CARM1: variants seen among roughly 807,000 people sequenced by gnomAD.
CARM1 encodes the protein histone-arginine methyltransferase CARM1.
CARM1 carries 14 observed loss-of-function variants against 72.7 expected under a neutral mutation model. That is an observed-to-expected ratio of 0.19 (90% CI 0.13 to 0.30). The LOEUF (loss-of-function observed/expected upper bound fraction) is 0.30. CARM1 is among the 10% of genes least tolerant of loss of function. The pLI is 1.00. For missense variants in CARM1, 432 were observed against 833.7 expected (o/e 0.52, Z 5.93); for synonymous variants, 333 against 345.5 (o/e 0.96, Z 0.40).
chr19:10,875,868 G>A (rs974989039), intron 1 of CARM1, among the ~76,000 whole-genome samples: 8 of 151,372 alleles, frequency 5.3e-5, no homozygotes, highest in African/African-American at 1.7e-4. Context: ...GTTACAACTT[G>A]GATGTCTGTC....
At chr19:10,892,221 T>C (rs937706455) in intron 1 of CARM1, among the ~76,000 whole-genome samples, 9 of 152,258 alleles carry the variant, frequency 5.9e-5, no homozygotes. Context: ...GATCCAGGTG[T>C]ATCTCTGCAA....
intron 1 of CARM1, among the ~76,000 whole-genome samples, chr19:10,873,646 T>TTG (rs2073838608): frequency 7.8e-6 from 1 of 128,022 alleles, no homozygotes; most frequent in Non-Finnish European, 1.7e-5. Context: ...TTTTTTTTTT[T>TTG]TTTTTTTTTT....
chr19:10,887,183 G>A (rs1240082969), intron 1 of CARM1, among the ~76,000 whole-genome samples: 3 of 152,214 alleles, frequency 2.0e-5, no homozygotes, highest in African/African-American at 7.2e-5. Flanking sequence ...CCCACTCTCT[G>A]ACTCCTCCAC....
intron 1 of CARM1, among the ~76,000 whole-genome samples, chr19:10,879,771 A>G (rs1055042588): frequency 6.6e-6 from 1 of 152,134 alleles, no homozygotes; most frequent in Admixed American, 6.6e-5. Flanking sequence ...GTGCAACCAC[A>G]CCCAGATAAT....
At position 10,871,849 on chromosome 19, in the gene CARM1, G is replaced by A; in HGVS notation, c.147G>A (p.Arg49=). 1 of 1,296,396 alleles carries A rather than the reference G, an allele frequency of 7.7e-7. No homozygotes were observed. Among genetic ancestry groups the A allele is most frequent in the South Asian group, 2.0e-5 (1 of 50,772 alleles). 80.3% of individuals were successfully genotyped at this position (1,296,396 alleles called of 1,614,324 possible). ...TIGDANGEIQ[R]HAEQQALRLE... ...GCGACGCGAACGGCGAGATCCAGCG[G>A]CACGCGGAGCAGCAGGCGCTGCGCC... The change falls in exon 1 of 16, where the codon CGG becomes CGA. Residue 49 remains arginine (R), a synonymous_variant. Transcript: ENST00000327064. The surrounding 1 kb of genome is among the most constrained non-coding windows in gnomAD (Gnocchi z 5.6).
At position 10,922,828 on chromosome 19, in the gene CARM1, G is replaced by C. The variant is rs2074281043; in HGVS notation, c.*1071G>C. 1 of 154,910 alleles carries C rather than the reference G, an allele frequency of 6.5e-6. No individual in the cohort carries two copies. Among genetic ancestry groups the C allele is most frequent in the African/African-American group, 2.4e-5 (1 of 41,576 alleles). 9.6% of individuals were successfully genotyped at this position (154,910 alleles called of 1,614,324 possible). A position where few individuals can be genotyped will look rare whatever the true frequency, so the allele number is the denominator to read the frequency against. ...CCTGTTTCTCATACCCCCAAACTCA[G>C]ATGCTGGAGCTCAGGCCCGCCGTGT... On this transcript the variant is annotated 3_prime_UTR_variant, in exon 16 of 16. Coordinates refer to ENST00000327064, the MANE Select transcript of CARM1 (RefSeq NM_199141.2).
rs535970967 is a variant in CARM1, at chr19:10,901,903, A to C, written c.221-3048A>C. Among the ~76,000 whole-genome samples the C allele has an allele frequency of 3.9e-4, 59 of 151,974 alleles. 1 individual carries two copies. The East Asian group carries it at 9.6e-3, about 25-fold the overall frequency. On this transcript the variant is annotated intron_variant, in intron 1 of 15. Coordinates refer to ENST00000327064, the MANE Select transcript of CARM1 (RefSeq NM_199141.2). ...GGCAGAGGTTGCAGTGAGCCAAGATAGTGCTGCTGCACTCCAGCCTGGGCA... is the reference window on the plus strand; with the variant it reads ...GGCAGAGGTTGCAGTGAGCCAAGATCGTGCTGCTGCACTCCAGCCTGGGCA...
rs918616164 is a variant in CARM1 at position 10,904,878 on chromosome 19, G to A, written c.221-73G>A. ...CACCAAGGGGAGGCAGCAGGAGGGCGACAGGGACCCAGGCTCAAAAGAAGG... is the reference window on the plus strand; with the variant it reads ...CACCAAGGGGAGGCAGCAGGAGGGCAACAGGGACCCAGGCTCAAAAGAAGG... On this transcript the variant is annotated intron_variant, in intron 1 of 15. Coordinates refer to ENST00000327064, the MANE Select transcript of CARM1 (RefSeq NM_199141.2). 15 of 1,575,562 alleles carry A rather than the reference G, an allele frequency of 9.5e-6. No individual in the cohort carries two copies. In the Admixed American group the frequency reaches 1.0e-4, roughly 11 times the overall value.
chr19:10,883,895 G>A (rs746964861), intron 1 of CARM1, among the ~76,000 whole-genome samples: 1 of 151,890 alleles, frequency 6.6e-6, no homozygotes, highest in Non-Finnish European at 1.5e-5. Context: ...GTGTGCGCCT[G>A]TAATCCCAGC....
At chr19:10,884,171 T>C (rs1284269669) in intron 1 of CARM1, among the ~76,000 whole-genome samples, 1 of 150,530 alleles carries the variant, frequency 6.6e-6, no homozygotes, top group Non-Finnish European at 1.5e-5. Flanking sequence ...GGAGACCCCT[T>C]CTCTACTAAA....
At chr19:10,888,798 C>T (rs1599690069) in intron 1 of CARM1, among the ~76,000 whole-genome samples, 1 of 152,356 alleles carries the variant, frequency 6.6e-6, no homozygotes, top group African/African-American at 2.4e-5. Flanking sequence ...GAGACATTTG[C>T]ATGTAATAGC....
intron 1 of CARM1, among the ~76,000 whole-genome samples, chr19:10,873,318 T>G (rs926724035): frequency 7.9e-5 from 12 of 152,142 alleles, no homozygotes; most frequent in African/African-American, 1.9e-4. Context: ...AAAAATTTTT[T>G]TAGGACCAGG....
intron 4 of CARM1, among the ~76,000 whole-genome samples, chr19:10,910,499 T>C (rs1370859185): frequency 6.6e-6 from 1 of 151,726 alleles, no homozygotes; most frequent in Non-Finnish European, 1.5e-5. Flanking sequence ...AAAGTAGAAA[T>C]GTATAATGTA....
At chr19:10,878,049 C>A (rs984954632) in intron 1 of CARM1, among the ~76,000 whole-genome samples, 1 of 152,096 alleles carries the variant, frequency 6.6e-6, no homozygotes, top group African/African-American at 2.4e-5. Flanking sequence ...GCTGTGTTTC[C>A]CAGGCTGGCC....
chr19:10,919,993 G>T lies in CARM1; in HGVS notation c.1196+27G>T. The T allele has an allele frequency of 2.5e-6, 4 of 1,580,792 alleles. No individual in the cohort carries two copies. The South Asian group carries it at 4.4e-5, about 18-fold the overall frequency. ...TGAGTGCCGCAGAGCAGCCCATGCT[G>T]CCTCCTCCCCACTCCCAGGGCTTCC... On this transcript the variant is annotated intron_variant, in intron 10 of 15. Transcript: ENST00000327064.
intron 1 of CARM1, among the ~76,000 whole-genome samples, chr19:10,886,209 A>G (rs1419512236): frequency 2.6e-5 from 4 of 151,918 alleles, no homozygotes; most frequent in Non-Finnish European, 2.9e-5. Flanking sequence ...GGCATGCGCC[A>G]CCACGCCCGG....
chr19:10,880,256 G>A (rs1381591273), intron 1 of CARM1, among the ~76,000 whole-genome samples: 1 of 152,210 alleles, frequency 6.6e-6, no homozygotes, highest in Non-Finnish European at 1.5e-5. Flanking sequence ...CAGGATGGAG[G>A]GGCCCACCTG....
At chr19:10,872,410 G>C (rs889918171) in intron 1 of CARM1, among the ~76,000 whole-genome samples, 1 of 152,136 alleles carries the variant, frequency 6.6e-6, no homozygotes, top group Non-Finnish European at 1.5e-5. Context: ...GAAAGTGTTT[G>C]CTGGTCTGGG....
chr19:10,916,092 G>A lies in CARM1; in HGVS notation c.848-315G>A, dbSNP rs575754652. On this transcript the variant is annotated intron_variant, in intron 6 of 15. Transcript: ENST00000327064. This position sits in a 1 kb window ranked among gnomAD's most constrained non-coding sequence, Gnocchi z 4.4. ...GAGAGGCAGCGCCTGGCCACATCCC[G>A]GGCACTGCCTGCTTCCCCGTGAGTC... Among the ~76,000 whole-genome samples the A allele has an allele frequency of 5.8e-3, 876 of 152,308 alleles. 3 individuals carry two copies. The highest frequency in any genetic ancestry group is 0.017 in the Middle Eastern group (5 of 294).
Sources: gnomAD v4.1 joint callset for allele counts (sites outside exome capture counted in the v4.1 genomes callset) on GRCh38, gnomAD v4.1.1 for gene constraint, Gnocchi (gnomAD v3.1) non-coding constraint, MANE v1.5 for transcripts, NCBI Gene and HGNC (gene_info 2026-07-23, HGNC 2026-07-21) for gene names.